RPF2: variants seen among roughly 807,000 people sequenced by gnomAD.
RPF2 encodes the protein ribosome production factor 2 homolog, also known as brix domain containing 1.
In RPF2, 21 loss-of-function variants were observed where a neutral mutation model predicts 38.9. That is an observed-to-expected ratio of 0.54 (90% CI 0.38 to 0.78). The LOEUF is 0.78. Among genes scored for constraint, RPF2 ranks in the 30% least tolerant of loss-of-function variants. The pLI is 0.00. For missense variants in RPF2, 314 were observed against 358.1 expected (o/e 0.88, Z 0.99); for synonymous variants, 121 against 126.2 (o/e 0.96, Z 0.28).
intron 8 of RPF2, among the ~76,000 whole-genome samples, chr6:111,023,684 G>A (rs1201417002): frequency 6.6e-6 from 1 of 151,996 alleles, no homozygotes; most frequent in East Asian, 1.9e-4. Flanking sequence ...GCTCAAAAAG[G>A]GATAAAAGAC....
At chr6:111,007,873 G>C (rs1771939683) in intron 6 of RPF2, among the ~76,000 whole-genome samples, 165 bp from the exon 7 acceptor site, 3 of 152,082 alleles carry the variant, frequency 2.0e-5, no homozygotes, top group African/African-American at 7.2e-5. Flanking sequence ...CTTGAACCCG[G>C]GAGGTGGAGG....
At chr6:111,017,729 C>A (rs1480923706) in intron 8 of RPF2, among the ~76,000 whole-genome samples, 1 of 143,060 alleles carries the variant, frequency 7.0e-6, no homozygotes, top group Non-Finnish European at 1.5e-5. Flanking sequence ...ACTTCCCAGA[C>A]TGGGCAGCCG....
chr6:111,024,940 A>G (rs1772297430), intron 9 of RPF2, among the ~76,000 whole-genome samples: 2 of 152,242 alleles, frequency 1.3e-5, no homozygotes, highest in Admixed American at 1.3e-4. Context: ...CTAAGGATTT[A>G]GAGTACAGGG....
In RPF2 at chr6:111,012,322, C is replaced by G. The variant is rs141187769; in HGVS notation, c.494-3432C>G. On this transcript the variant is annotated intron_variant, in intron 7 of 9. Coordinates refer to ENST00000441448, the MANE Select transcript of RPF2 (RefSeq NM_032194.3). ...AGTAGCTGGGACCACAGGTACACGT[C>G]ACCACGCCCAGCTAATTTTTTTTAT... Among the ~76,000 whole-genome samples, 769 of 152,080 alleles carry G rather than the reference C, an allele frequency of 5.1e-3. 9 individuals are homozygous for G. Among genetic ancestry groups the G allele is most frequent in the African/African-American group, 0.017 (718 of 41,494 alleles).
Position 111,015,836 on chromosome 6 carries a change from G to A in RPF2, c.576G>A (p.Lys192=), listed in dbSNP as rs145863310. The change falls in exon 8 of 10, where the codon AAG becomes AAA. Residue 192 remains lysine, a synonymous_variant. Coordinates refer to ENST00000441448, the MANE Select transcript of RPF2 (RefSeq NM_032194.3). ...TGCACTTCACTGCACTGAATGGGAA[G>A]ATTTACTTTCGAAGCTATAAGTAAG... ...YVLHFTALNG[K]IYFRSYKLLL... is the part of the protein sequence containing the mutation. 1.9e-6 allele frequency: 3 copies of A among 1,610,016 alleles called. No individual in the cohort carries two copies. The African/African-American group carries it at 4.0e-5, about 22-fold the overall frequency.
intron 4 of RPF2, among the ~76,000 whole-genome samples, chr6:110,993,373 T>C (rs1320143869): frequency 3.3e-5 from 5 of 152,194 alleles, no homozygotes; most frequent in African/African-American, 9.7e-5. Context: ...TAAAATCAAA[T>C]AATCTTATTG....
chr6:110,990,570 C>G (rs372670583), intron 3 of RPF2, among the ~76,000 whole-genome samples: 7,810 of 140,590 alleles, frequency 0.056, 414 homozygotes, highest in South Asian at 0.13. Context: ...CCCCCCCCCC[C>G]CCCACCTTTT....
At position 111,027,733 on chromosome 6, in the gene RPF2, T is replaced by C. The variant is rs1455827311; in HGVS notation, c.*2151T>C. The C allele has an allele frequency of 1.1e-4, 16 of 152,250 alleles. No individual in the cohort carries two copies. The highest frequency in any genetic ancestry group is 9.2e-4 in the Admixed American group (14 of 15,280). 9.4% of individuals were successfully genotyped at this position (152,250 alleles called of 1,614,324 possible). ...ATACATTTCTGTTTTCTAGGTAATTTCTGTGTCTGATGGTAGAGGATCTAA... is the reference window on the plus strand; with the variant it reads ...ATACATTTCTGTTTTCTAGGTAATTCCTGTGTCTGATGGTAGAGGATCTAA... On this transcript the variant is annotated 3_prime_UTR_variant, in exon 10 of 10. Transcript: ENST00000441448.
intron 7 of RPF2, among the ~76,000 whole-genome samples, 199 bp downstream of exon 7, chr6:111,008,336 T>A (rs1032439248): frequency 3.3e-5 from 5 of 152,132 alleles, no homozygotes; most frequent in Admixed American, 6.6e-5. Context: ...ATCTTCTCTG[T>A]ATGGTTCCAG....
At chr6:110,982,152 C>T in intron 1 of RPF2, 23 bp downstream of exon 1, 2 of 1,613,984 alleles carry the variant, frequency 1.2e-6, no homozygotes, top group South Asian at 1.1e-5. Context: ...GGTCTCAGCC[C>T]CGGGGAGCGT....
intron 7 of RPF2, among the ~76,000 whole-genome samples, chr6:111,015,112 A>T (rs150644581): frequency 6.6e-6 from 1 of 152,196 alleles, no homozygotes; most frequent in Admixed American, 6.5e-5. Flanking sequence ...TTATGTCCCT[A>T]TTGTAAATGG....
At position 111,008,898 on chromosome 6, in the gene RPF2, C is replaced by CTTTTTTTTTTTTTT. The variant is rs57167034; in HGVS notation, c.493+766_493+779dup. On this transcript the variant is annotated intron_variant, in intron 7 of 9. Coordinates refer to ENST00000441448, the MANE Select transcript of RPF2 (RefSeq NM_032194.3). ...AAGCCCTCAGTGACCTTCCTGGCTCCTTTTTTTTTTTTTTTTTTAAAGATA... is the reference window on the plus strand; with the variant it reads ...AAGCCCTCAGTGACCTTCCTGGCTCCTTTTTTTTTTTTTTTTTTTTTTTTTTTTTTTTAAAGATA... 6.8e-3 allele frequency among the ~76,000 whole-genome samples: 820 copies of CTTTTTTTTTTTTTT among 120,276 alleles called. 45 individuals carry two copies. The highest frequency in any genetic ancestry group is 9.8e-3 in the Non-Finnish European group (580 of 59,120). The allele number at this position is 120,276 out of a possible 152,430, so 78.9% of individuals were successfully genotyped here. A position where few individuals can be genotyped will look rare whatever the true frequency, so the allele number is the denominator to read the frequency against.
intron 9 of RPF2, among the ~76,000 whole-genome samples, chr6:111,025,140 G>A (rs1406068385): frequency 6.6e-6 from 1 of 152,164 alleles, no homozygotes; most frequent in African/African-American, 2.4e-5. Context: ...TTCAAAGTGT[G>A]GCCTGACAGT....
In RPF2 at chr6:111,002,847, C is replaced by T. The variant is rs370589834; in HGVS notation, c.393+3060C>T. ...ACAGTGGCATGATCTCGGCTCACTA[C>T]AACCTCTGCCTCCCGGATTCAAGCA... On this transcript the variant is annotated intron_variant, in intron 6 of 9. Transcript: ENST00000441448. 3.6e-4 allele frequency among the ~76,000 whole-genome samples: 54 copies of T among 151,780 alleles called. No homozygotes were observed. In the South Asian group the frequency reaches 0.01, roughly 28 times the overall value.
At chr6:110,989,304 A>G (rs1407709108) in intron 3 of RPF2, among the ~76,000 whole-genome samples, 1 of 152,202 alleles carries the variant, frequency 6.6e-6, no homozygotes, top group Non-Finnish European at 1.5e-5. Flanking sequence ...AGAAAAGTGC[A>G]AAAATAATGC....
chr6:110,982,071 A>G lies in RPF2; in HGVS notation c.-36A>G, dbSNP rs764196202. 6.2e-7 allele frequency: 1 copy of G among 1,613,190 alleles called. No individual in the cohort carries two copies. The highest frequency in any genetic ancestry group is 1.7e-5 in the Admixed American group (1 of 60,028). ...GCACGTAATCGCCGAGGGCACGTGC[A>G]TGCCCCCTGGTTAAGAGTTGCAGGT... On this transcript the variant is annotated 5_prime_UTR_variant, in exon 1 of 10. The change abolishes an upstream ATG in the 5' untranslated region. Coordinates refer to ENST00000441448, the MANE Select transcript of RPF2 (RefSeq NM_032194.3).
At chr6:110,993,264 T>C (rs924643961) in intron 4 of RPF2, among the ~76,000 whole-genome samples, 1 of 147,826 alleles carries the variant, frequency 6.8e-6, no homozygotes, top group African/African-American at 2.5e-5. Context: ...TTATTTGTTG[T>C]TGTTTTTTTT....
At chr6:110,985,716 G>A (rs1398903970) in intron 2 of RPF2, among the ~76,000 whole-genome samples, 1 of 152,092 alleles carries the variant, frequency 6.6e-6, no homozygotes, top group Non-Finnish European at 1.5e-5. Context: ...GAGGCAGGAG[G>A]ATCACGAAGT....
At chr6:111,015,900 T>G (rs1377729366) in intron 8 of RPF2, 44 bp downstream of exon 8, 1 of 1,379,614 alleles carries the variant, frequency 7.2e-7, no homozygotes, top group Non-Finnish European at 1.0e-6. Flanking sequence ...TCAGGGTTAG[T>G]GTTTAAAACT....
Sources: gnomAD v4.1 joint callset for allele counts (sites outside exome capture counted in the v4.1 genomes callset) on GRCh38, gnomAD v4.1.1 for gene constraint, MANE v1.5 for transcripts, NCBI Gene and HGNC (gene_info 2026-07-23, HGNC 2026-07-21) for gene names.